Variants in LRP1B observed in about 807,000 individuals in gnomAD.
LRP1B encodes the protein LDL receptor related protein 1B, also known as low-density lipoprotein receptor-related protein 1B.
Under a neutral mutation model 556.6 loss-of-function variants are expected in LRP1B, and 217 were observed. The ratio of observed to expected loss-of-function variants is 0.39; its 90% confidence interval spans 0.35 to 0.44. The LOEUF is 0.44. Among genes scored for constraint, LRP1B ranks in the 20% least tolerant of loss-of-function variants. LRP1B has a pLI of 1.00. For synonymous variants in LRP1B, 2,047 were observed against 1,865.8 expected (o/e 1.10, Z -2.50); for missense variants, 5,053 against 5,620.8 (o/e 0.90, Z 3.23).
At chr2:141,284,201 A>C (rs1412688033) in intron 3 of LRP1B, among the ~76,000 whole-genome samples, 4 of 152,216 alleles carry the variant, frequency 2.6e-5, no homozygotes, top group Non-Finnish European at 4.4e-5. Context: ...TCACAGATGG[A>C]TTAATCAAGG....
At chr2:140,442,138 T>C (rs1405188989) in intron 66 of LRP1B, among the ~76,000 whole-genome samples, 1 of 140,950 alleles carries the variant, frequency 7.1e-6, no homozygotes, top group Non-Finnish European at 1.6e-5. Flanking sequence ...CTTAGGGATT[T>C]AAGCAAAAAA....
intron 2 of LRP1B, among the ~76,000 whole-genome samples, chr2:141,531,258 A>G (rs1430979787): frequency 6.6e-6 from 1 of 151,742 alleles, no homozygotes; most frequent in Non-Finnish European, 1.5e-5. Context: ...AAAGGACTTG[A>G]TATTTACTAT....
chr2:141,031,032 C>T (rs1698354182), intron 11 of LRP1B, among the ~76,000 whole-genome samples: 1 of 151,808 alleles, frequency 6.6e-6, no homozygotes, highest in Non-Finnish European at 1.5e-5. Context: ...GAGCAAAAAC[C>T]ACAAACCTCC....
intron 43 of LRP1B, among the ~76,000 whole-genome samples, chr2:140,579,997 T>C (rs1344815168): frequency 6.6e-6 from 1 of 152,200 alleles, no homozygotes; most frequent in Non-Finnish European, 1.5e-5. Context: ...TCCATTGTTC[T>C]CTATTTCTGT....
intron 1 of LRP1B, among the ~76,000 whole-genome samples, chr2:142,071,876 T>C (rs909148743): frequency 1.3e-5 from 2 of 151,972 alleles, no homozygotes; most frequent in African/African-American, 4.8e-5. Context: ...CTCAAGAGAC[T>C]GTTTAAATCC....
At chr2:140,635,447 T>A (rs1684038832) in intron 41 of LRP1B, among the ~76,000 whole-genome samples, 1 of 152,024 alleles carries the variant, frequency 6.6e-6, no homozygotes, top group African/African-American at 2.4e-5. Flanking sequence ...AAATTCCTTA[T>A]TTTTTTGTTA....
chr2:140,351,428 G>A (rs1681954344), intron 76 of LRP1B, among the ~76,000 whole-genome samples: 1 of 151,790 alleles, frequency 6.6e-6, no homozygotes, highest in Non-Finnish European at 1.5e-5. Flanking sequence ...CTTAATTTAT[G>A]CACCTGAGTG....
chr2:141,037,314 T>C (rs1018682845), intron 11 of LRP1B, among the ~76,000 whole-genome samples: 3 of 152,046 alleles, frequency 2.0e-5, no homozygotes, highest in African/African-American at 7.2e-5. Flanking sequence ...ACTAATAAAC[T>C]GACAATAAAT....
chr2:141,189,283 T>C (rs1200275739), intron 6 of LRP1B, among the ~76,000 whole-genome samples: 10 of 151,932 alleles, frequency 6.6e-5, no homozygotes, highest in Non-Finnish European at 1.5e-4. Flanking sequence ...TTAATCAGGC[T>C]CAGAGAGACT....
At position 140,796,484 on chromosome 2, in the gene LRP1B, T is replaced by G. The variant is rs990100888; in HGVS notation, c.5359+17173A>C. On this transcript the variant is annotated intron_variant, in intron 32 of 90. Transcript: ENST00000389484. The stretch of plus-strand genomic sequence containing the variant: ...TTCACATAGTACTTTTCATGTAAAT[T>G]TTGATAGGCAATTACTTTTCATTAA... 2.6e-5 allele frequency among the ~76,000 whole-genome samples: 4 copies of G among 152,204 alleles called. No individual in the cohort carries two copies. The East Asian group carries it at 7.7e-4, about 29-fold the overall frequency.
intron 1 of LRP1B, among the ~76,000 whole-genome samples, chr2:142,016,807 C>T (rs1258460629): frequency 1.4e-5 from 2 of 141,354 alleles, no homozygotes; most frequent in African/African-American, 2.6e-5. Flanking sequence ...GCACATTTAT[C>T]CCAGAACTTA....
chr2:141,441,538 T>G (rs948489950), intron 3 of LRP1B, among the ~76,000 whole-genome samples: 2 of 152,230 alleles, frequency 1.3e-5, no homozygotes, highest in African/African-American at 4.8e-5. Context: ...TTTTATACTT[T>G]AAGAGAATAA....
chr2:140,628,766 G>A (rs912082762), intron 41 of LRP1B, among the ~76,000 whole-genome samples: 3 of 152,096 alleles, frequency 2.0e-5, no homozygotes, highest in Non-Finnish European at 2.9e-5. Context: ...CCCAGTGTTG[G>A]AGGTGGGGTC....
At chr2:140,885,866 CT>C (rs80114363) in intron 24 of LRP1B, among the ~76,000 whole-genome samples, 56 of 142,908 alleles carry the variant, frequency 3.9e-4, no homozygotes, top group South Asian at 1.1e-3. Flanking sequence ...AACAACCAGT[CT>C]TTTTTTTTTT....
At chr2:141,535,474 C>A (rs952194457) in intron 2 of LRP1B, among the ~76,000 whole-genome samples, 2 of 151,902 alleles carry the variant, frequency 1.3e-5, no homozygotes, top group South Asian at 4.2e-4. Flanking sequence ...CAAGATTTCT[C>A]CTATGAGCTT....
At chr2:140,760,061 G>A (rs564738250) in intron 35 of LRP1B, among the ~76,000 whole-genome samples, 4 of 152,100 alleles carry the variant, frequency 2.6e-5, no homozygotes, top group Admixed American at 2.6e-4. Flanking sequence ...TTTGTTGAAG[G>A]ACTCTTCTGG....
chr2:141,650,135 G>T lies in LRP1B; in HGVS notation c.205+160144C>A, dbSNP rs906572215. 3.9e-5 allele frequency among the ~76,000 whole-genome samples: 6 copies of T among 152,192 alleles called. No individual in the cohort carries two copies. The South Asian group carries it at 8.3e-4, about 21-fold the overall frequency. Reference sequence around the variant, plus strand: ...GCGGAGGTTGCAGTCAGCCAAGATTGTGCCAATGCACTCCAGCCTGGGTGA... The same window carrying T: ...GCGGAGGTTGCAGTCAGCCAAGATTTTGCCAATGCACTCCAGCCTGGGTGA... On this transcript the variant is annotated intron_variant, in intron 2 of 90. Coordinates refer to ENST00000389484, the MANE Select transcript of LRP1B (RefSeq NM_018557.3).
chr2:140,554,454 AT>A (rs2105059543), intron 43 of LRP1B, among the ~76,000 whole-genome samples: 1 of 152,200 alleles, frequency 6.6e-6, no homozygotes. Context: ...ATGAATATAT[AT>A]TTTTAGTGAG....
intron 79 of LRP1B, among the ~76,000 whole-genome samples, chr2:140,330,523 C>A (rs936935542): frequency 6.6e-5 from 10 of 151,892 alleles, no homozygotes; most frequent in South Asian, 2.1e-4. Context: ...TAGCCATATG[C>A]AGAAAATTGA....
Sources: allele counts gnomAD v4.1 joint callset (sites outside exome capture counted in the v4.1 genomes callset), GRCh38; gene constraint gnomAD v4.1.1; transcripts MANE v1.5; gene names NCBI Gene and HGNC (gene_info 2026-07-23, HGNC 2026-07-21).